Variants in SPRY3 observed in about 807,000 individuals in gnomAD.
SPRY3 encodes the protein sprouty RTK signaling antagonist 3, also known as protein sprouty homolog 3.
Under a neutral mutation model 20.2 loss-of-function variants are expected in SPRY3, and 15 were observed. The observed-to-expected ratio is 0.74, with a 90% CI of 0.50 to 1.14. The LOEUF (loss-of-function observed/expected upper bound fraction) is 1.14. SPRY3 is among the 50% of genes most tolerant of loss of function. SPRY3 has a pLI of 0.00. For synonymous variants in SPRY3, 143 were observed against 136.5 expected, an observed-to-expected ratio of 1.05 and a Z score of -0.33; for missense variants, 364 against 363.9, an observed-to-expected ratio of 1.00 and a Z score of 0.00.
At chrX:155,640,344 TG>T (rs2067936752) in intron 1 of SPRY3, among the ~76,000 whole-genome samples, 1 of 112,425 alleles carries the variant, frequency 8.9e-6, no homozygotes, top group African/African-American at 3.2e-5. Flanking sequence ...AGAAAATAAA[TG>T]TATAGTACTT....
rs140787361 is a variant in SPRY3 at position 155,707,610 on chromosome X, A to G, written c.-282+50585A>G. On this transcript the variant is annotated intron_variant, in intron 2 of 3. Transcript: ENST00000675360. Reference sequence around the variant, plus strand: ...TTTCAGATTTTGCTTTATGTGTATTAGGGCTCTGTTGTTAGGTGGGAATGC... The same window carrying G: ...TTTCAGATTTTGCTTTATGTGTATTGGGGCTCTGTTGTTAGGTGGGAATGC... Among the ~76,000 whole-genome samples the G allele has an allele frequency of 5.4e-3, 819 of 151,230 alleles. 6 individuals carry two copies. Among genetic ancestry groups the G allele is most frequent in the African/African-American group, 0.019 (777 of 41,460 alleles).
At chrX:155,707,340 G>A (rs1439044634) in intron 2 of SPRY3, among the ~76,000 whole-genome samples, 1 of 151,166 alleles carries the variant, frequency 6.6e-6, no homozygotes, top group African/African-American at 2.4e-5. Flanking sequence ...TGTTGTCAGA[G>A]AACATAGATT....
At chrX:155,641,660 C>A (rs1436210897) in intron 1 of SPRY3, among the ~76,000 whole-genome samples, 1 of 115,011 alleles carries the variant, frequency 8.7e-6, no homozygotes, top group Non-Finnish European at 1.9e-5. Context: ...TAACATGTAT[C>A]AGATCTTGAG....
chrX:155,686,782 G>C (rs1025309275), intron 2 of SPRY3, among the ~76,000 whole-genome samples: 16 of 112,367 alleles, frequency 1.4e-4, no homozygotes, highest in Non-Finnish European at 7.5e-5. Flanking sequence ...GCATCCAATA[G>C]AGAAGAATGT....
intron 2 of SPRY3, among the ~76,000 whole-genome samples, chrX:155,665,399 G>A (rs1204616089): frequency 9.0e-6 from 1 of 111,025 alleles, no homozygotes; most frequent in Non-Finnish European, 1.9e-5. Flanking sequence ...ATATGGTGAA[G>A]GATGTTCATT....
At chrX:155,662,313 G>T in intron 2 of SPRY3, among the ~76,000 whole-genome samples, 1 of 110,939 alleles carries the variant, frequency 9.0e-6, no homozygotes, top group East Asian at 2.8e-4. Flanking sequence ...CTGTACGAAT[G>T]CCAGGGATAT....
Position 155,771,831 on chromosome X carries a change from A to G in SPRY3, c.-106-1935A>G, listed in dbSNP as rs180887866. On this transcript the variant is annotated intron_variant, in intron 3 of 3. Coordinates refer to ENST00000675360, the Ensembl canonical transcript of SPRY3. ...ATACATTTTGCTTTTGAATGCCCCA[A>G]TAAGTAAGGGCACATTGCCCACCTT... is the stretch of plus-strand genomic sequence containing the variant. 4.7e-3 allele frequency among the ~76,000 whole-genome samples: 720 copies of G among 152,288 alleles called. 1 individual carries two copies. The highest frequency in any genetic ancestry group is 0.011 in the South Asian group (52 of 4,818).
At chrX:155,734,561 CA>C (rs1478128119) in intron 2 of SPRY3, among the ~76,000 whole-genome samples, 2 of 151,238 alleles carry the variant, frequency 1.3e-5, no homozygotes, top group Non-Finnish European at 2.9e-5. Context: ...AAGAATTACC[CA>C]AATGTGACAC....
exon 4 of SPRY3, chrX:155,774,409 A>T (rs772585616): frequency 2.5e-5 from 40 of 1,613,836 alleles, no homozygotes; most frequent in Non-Finnish European, 3.4e-5. Context: ...CTCTGCTGAG[A>T]GCCTCCTCGA....
chrX:155,665,111 G>T (rs782210974), intron 2 of SPRY3, among the ~76,000 whole-genome samples: 10 of 109,750 alleles, frequency 9.1e-5, no homozygotes, highest in Middle Eastern at 4.7e-3. Context: ...GTTACTAGAG[G>T]AAGGATCTTG....
chrX:155,751,274 C>T (rs1215974438), intron 2 of SPRY3, among the ~76,000 whole-genome samples: 1 of 151,852 alleles, frequency 6.6e-6, no homozygotes, highest in Non-Finnish European at 1.5e-5. Flanking sequence ...GGACCATTGC[C>T]ACAGCACTGC....
intron 2 of SPRY3, among the ~76,000 whole-genome samples, chrX:155,676,243 A>AT (rs1474818050): frequency 9.1e-6 from 1 of 110,343 alleles, no homozygotes; most frequent in Non-Finnish European, 1.9e-5. Flanking sequence ...ACTTTCTTCT[A>AT]TTTTTTTCAT....
At chrX:155,666,457 C>T (rs2068024779) in intron 2 of SPRY3, among the ~76,000 whole-genome samples, 1 of 110,298 alleles carries the variant, frequency 9.1e-6, no homozygotes, top group Non-Finnish European at 1.9e-5. Flanking sequence ...TGAGAGTTGT[C>T]CTATAGGCCA....
At chrX:155,634,101 A>G (rs1202084107) in intron 1 of SPRY3, among the ~76,000 whole-genome samples, 4 of 110,153 alleles carry the variant, frequency 3.6e-5, no homozygotes, top group Non-Finnish European at 5.7e-5. Context: ...ATCAGAATCT[A>G]TCGCTTCGGT....
intron 2 of SPRY3, among the ~76,000 whole-genome samples, chrX:155,725,100 C>A (rs2091088379): frequency 6.6e-6 from 1 of 151,978 alleles, no homozygotes. Context: ...TCATTGGTTC[C>A]ATTTACGTGA....
rs140892682 is a variant in SPRY3, at chrX:155,749,588, T to C, written c.-281-18374T>C. Among the ~76,000 whole-genome samples the C allele has an allele frequency of 1.1e-3, 163 of 151,920 alleles. 1 individual carries two copies. The highest frequency in any genetic ancestry group is 3.8e-3 in the African/African-American group (156 of 41,490). The stretch of plus-strand genomic sequence containing the variant: ...GGAAGTATCTGGGGGTTTTGACTAA[T>C]AGCAAGGACACCAGTTTGGCTTCAG... On this transcript the variant is annotated intron_variant, in intron 2 of 3. Transcript: ENST00000675360.
chrX:155,667,413 A>G (rs1197379679), intron 2 of SPRY3, among the ~76,000 whole-genome samples: 2 of 111,328 alleles, frequency 1.8e-5, no homozygotes, highest in African/African-American at 6.5e-5. Context: ...GAGTGAATGG[A>G]ATTCAAAGCA....
At chrX:155,776,844 A>C (rs569925172), downstream of SPRY3, 3 of 167,170 alleles carry the variant, frequency 1.8e-5, no homozygotes, top group Admixed American at 1.3e-4. Flanking sequence ...CCTGAAGTGT[A>C]CTGACATTTG....
intron 2 of SPRY3, among the ~76,000 whole-genome samples, chrX:155,759,342 C>A (rs1286643613): frequency 6.6e-6 from 1 of 151,966 alleles, no homozygotes; most frequent in Non-Finnish European, 1.5e-5. Flanking sequence ...ATTTAAATAT[C>A]ACTTTTTCTT....
Sources: allele counts gnomAD v4.1 joint callset (sites outside exome capture counted in the v4.1 genomes callset), GRCh38; gene constraint gnomAD v4.1.1; transcripts MANE v1.5; gene names NCBI Gene and HGNC (gene_info 2026-07-23, HGNC 2026-07-21).